Variants in SCAPER observed in about 807,000 individuals in gnomAD.
SCAPER encodes S-phase cyclin A associated protein in the ER.
SCAPER carries 98 observed loss-of-function variants against 182.2 expected under a neutral mutation model. That is an observed-to-expected ratio of 0.54 (90% CI 0.46 to 0.64). The LOEUF is 0.64. Among genes scored for constraint, SCAPER ranks in the 30% least tolerant of loss-of-function variants. SCAPER has a pLI of 0.00. For missense variants in SCAPER, 1,432 were observed against 1,690.0 expected (o/e 0.85, Z 2.68); for synonymous variants, 605 against 564.6 (o/e 1.07, Z -1.01).
At chr15:76,608,764 G>T (rs1407297560) in intron 22 of SCAPER, among the ~76,000 whole-genome samples, 1 of 152,164 alleles carries the variant, frequency 6.6e-6, no homozygotes, top group East Asian at 1.9e-4. Flanking sequence ...CTTGCAGTTT[G>T]GTCTCGGACT....
chr15:76,867,957 A>G (rs954155261), intron 2 of SCAPER, among the ~76,000 whole-genome samples: 1 of 152,066 alleles, frequency 6.6e-6, no homozygotes, highest in African/African-American at 2.4e-5. Context: ...ATCATCAGCT[A>G]TGTTCTCTCC....
chr15:76,838,818 G>A (rs62029195), intron 5 of SCAPER, among the ~76,000 whole-genome samples: 10,553 of 152,168 alleles, frequency 0.069, 409 homozygotes, highest in Middle Eastern at 0.11. Flanking sequence ...ACATTCAACC[G>A]GAGAAGAAGA....
At chr15:76,421,512 T>C (rs1183837048) in intron 26 of SCAPER, among the ~76,000 whole-genome samples, 10 of 152,360 alleles carry the variant, frequency 6.6e-5, no homozygotes, top group East Asian at 5.8e-4. Context: ...TTGTAGATTC[T>C]GGATATTAGC....
At chr15:76,513,137 G>T (rs2042174683) in intron 23 of SCAPER, among the ~76,000 whole-genome samples, 1 of 152,186 alleles carries the variant, frequency 6.6e-6, no homozygotes, top group South Asian at 2.1e-4. Context: ...AGCTCCTCAA[G>T]AGTGGCATCT....
chr15:76,612,291 G>A (rs979315290), intron 22 of SCAPER, among the ~76,000 whole-genome samples: 7 of 152,162 alleles, frequency 4.6e-5, no homozygotes, highest in African/African-American at 1.4e-4. Context: ...AGGCTGGGGT[G>A]CAGTAGTGCA....
chr15:76,873,035 A>G (rs1000289292), intron 2 of SCAPER, among the ~76,000 whole-genome samples: 2 of 150,782 alleles, frequency 1.3e-5, no homozygotes, highest in Non-Finnish European at 3.0e-5. Context: ...GTATCACTTA[A>G]GGTCTAGAGT....
chr15:76,898,551 T>C (rs947242358), intron 1 of SCAPER, among the ~76,000 whole-genome samples: 2 of 152,250 alleles, frequency 1.3e-5, no homozygotes, highest in Non-Finnish European at 2.9e-5. Context: ...TGGAATATTA[T>C]TCATCCATAA....
At chr15:76,491,049 T>A (rs776611249) in intron 24 of SCAPER, among the ~76,000 whole-genome samples, 6 of 152,126 alleles carry the variant, frequency 3.9e-5, no homozygotes, top group Non-Finnish European at 5.9e-5. Flanking sequence ...GTCATTAAGA[T>A]GTTAAATATT....
At chr15:76,812,134 T>C (rs1228735358) in intron 5 of SCAPER, among the ~76,000 whole-genome samples, 1 of 151,684 alleles carries the variant, frequency 6.6e-6, no homozygotes, top group Non-Finnish European at 1.5e-5. Flanking sequence ...ACCAGTATGG[T>C]GAAACCCTGT....
At chr15:76,471,818 C>T (rs1350905759) in intron 24 of SCAPER, among the ~76,000 whole-genome samples, 2 of 152,032 alleles carry the variant, frequency 1.3e-5, no homozygotes, top group East Asian at 1.9e-4. Flanking sequence ...TCTAGGGAGT[C>T]GACATCACAC....
At chr15:76,690,490 C>G (rs1184702128) in intron 20 of SCAPER, among the ~76,000 whole-genome samples, 3 of 152,144 alleles carry the variant, frequency 2.0e-5, no homozygotes, top group Admixed American at 2.0e-4. Context: ...CTAATGAAAT[C>G]CAAATAAAGT....
At chr15:76,567,111 G>C (rs1282925098) in intron 23 of SCAPER, among the ~76,000 whole-genome samples, 1 of 151,616 alleles carries the variant, frequency 6.6e-6, no homozygotes, top group East Asian at 1.9e-4. Context: ...AAGTCCTTTT[G>C]TCTTTTCTTG....
intron 21 of SCAPER, among the ~76,000 whole-genome samples, chr15:76,632,651 C>A (rs373443088): frequency 6.6e-6 from 1 of 151,938 alleles, no homozygotes; most frequent in Non-Finnish European, 1.5e-5. Flanking sequence ...TTGCTGGAGA[C>A]GTGTTGTGAT....
At chr15:76,802,957 C>T (rs1023888871) in intron 6 of SCAPER, among the ~76,000 whole-genome samples, 6 of 152,154 alleles carry the variant, frequency 3.9e-5, no homozygotes, top group Non-Finnish European at 1.5e-5. Flanking sequence ...TCTAGAGTAT[C>T]TAATTCTCCC....
At chr15:76,855,443 G>A (rs2071241799) in intron 4 of SCAPER, among the ~76,000 whole-genome samples, 1 of 116,928 alleles carries the variant, frequency 8.6e-6, no homozygotes, top group African/African-American at 3.3e-5. Flanking sequence ...TTAAACTTAA[G>A]AGCTTCTGCA....
At position 76,556,028 on chromosome 15, in the gene SCAPER, C is replaced by A. The variant is rs145282412; in HGVS notation, c.2838+18130G>T. The stretch of plus-strand genomic sequence containing the variant: ...TTAAAAAATCCCAAAATCATACTGA[C>A]CATACTCTCAGACCACAGTGCAATA... On this transcript the variant is annotated intron_variant, in intron 23 of 31. Coordinates refer to ENST00000563290, the MANE Select transcript of SCAPER (RefSeq NM_020843.4). Among the ~76,000 whole-genome samples the A allele has an allele frequency of 3.8e-4, 58 of 152,232 alleles. 1 individual carries two copies. The East Asian group carries it at 9.4e-3, about 25-fold the overall frequency.
At chr15:76,735,286 T>C (rs1235706654) in intron 15 of SCAPER, among the ~76,000 whole-genome samples, 1 of 150,476 alleles carries the variant, frequency 6.6e-6, no homozygotes, top group African/African-American at 2.5e-5. Flanking sequence ...GGTGAGAGGA[T>C]TGCTTGAACC....
At chr15:76,568,528 T>C (rs2047208961) in intron 23 of SCAPER, among the ~76,000 whole-genome samples, 1 of 152,122 alleles carries the variant, frequency 6.6e-6, no homozygotes, top group Admixed American at 6.6e-5. Flanking sequence ...GCTAATTTTT[T>C]TTATTTTTAG....
chr15:76,459,640 T>C (rs1320283172), intron 25 of SCAPER, among the ~76,000 whole-genome samples: 6 of 151,992 alleles, frequency 3.9e-5, no homozygotes, highest in Non-Finnish European at 1.5e-5. Context: ...GTCTCTTCAC[T>C]CTGTTGATTG....
Sources: gnomAD v4.1 joint callset for allele counts (sites outside exome capture counted in the v4.1 genomes callset) on GRCh38, gnomAD v4.1.1 for gene constraint, MANE v1.5 for transcripts, NCBI Gene and HGNC (gene_info 2026-07-23, HGNC 2026-07-21) for gene names.